Variants in ZNF385C observed in about 807,000 individuals in gnomAD.
ZNF385C encodes the protein zinc finger protein 385C.
A neutral mutation model predicts 35.4 loss-of-function variants in ZNF385C; 28 were observed. The ratio of observed to expected loss-of-function variants is 0.79; its 90% confidence interval spans 0.59 to 1.08. ZNF385C has a LOEUF of 1.08. ZNF385C is among the 50% of genes least tolerant of loss of function. The probability of loss-of-function intolerance (pLI) is 0.00; values close to 1 mark genes in which losing one functional copy is unlikely to be tolerated. For synonymous variants in ZNF385C, 248 were observed against 248.2 expected (o/e 1.00, Z 0.01); for missense variants, 605 against 595.6 (o/e 1.02, Z -0.16).
At chr17:42,030,640 T>C (rs1359021650) in intron 5 of ZNF385C, among the ~76,000 whole-genome samples, 1 of 152,164 alleles carries the variant, frequency 6.6e-6, no homozygotes, top group Non-Finnish European at 1.5e-5. Context: ...TGTAGTTAGT[T>C]GAATAGTGTC....
intron 1 of ZNF385C, among the ~76,000 whole-genome samples, chr17:42,084,731 C>T (rs1555659998): frequency 6.6e-6 from 1 of 152,100 alleles, no homozygotes; most frequent in African/African-American, 2.4e-5. Context: ...CTGCCTCAAC[C>T]TCCCAAGTAG....
At chr17:42,049,292 T>C (rs1194644317) in intron 2 of ZNF385C, among the ~76,000 whole-genome samples, 1 of 152,230 alleles carries the variant, frequency 6.6e-6, no homozygotes, top group Non-Finnish European at 1.5e-5. Context: ...CTGTTTGTTC[T>C]CTCCATTCCA....
intron 2 of ZNF385C, chr17:42,040,617 CACCAG>C (rs2052994968): frequency 3.2e-6 from 4 of 1,232,232 alleles, no homozygotes; most frequent in Non-Finnish European, 4.0e-6. Context: ...CCAGGGTGGG[CACCAG>C]GCCAGGCCAG....
intron 2 of ZNF385C, chr17:42,038,113 A>G: frequency 1.3e-6 from 2 of 1,521,764 alleles, no homozygotes; most frequent in Non-Finnish European, 1.8e-6. Context: ...CTCCCAGCCC[A>G]GAGGGATGAC....
At chr17:42,047,143 T>A (rs2053180765) in intron 2 of ZNF385C, among the ~76,000 whole-genome samples, 1 of 151,552 alleles carries the variant, frequency 6.6e-6, no homozygotes, top group Admixed American at 6.6e-5. Context: ...GCCATTCTCC[T>A]GCCTCAGCCT....
At chr17:42,086,398 A>T (rs773669824) in intron 1 of ZNF385C, among the ~76,000 whole-genome samples, 5 of 147,680 alleles carry the variant, frequency 3.4e-5, no homozygotes, top group Non-Finnish European at 7.5e-5. Flanking sequence ...ATAAATAAAT[A>T]AATTTTAAAA....
chr17:42,056,572 G>C (rs1355484649), intron 2 of ZNF385C, among the ~76,000 whole-genome samples: 1 of 152,074 alleles, frequency 6.6e-6, no homozygotes. Context: ...GACCAGCCTG[G>C]GCAACATAGC....
chr17:42,042,521 G>GAA (rs1312998654), intron 2 of ZNF385C, among the ~76,000 whole-genome samples: 1 of 137,550 alleles, frequency 7.3e-6, no homozygotes, highest in Non-Finnish European at 1.6e-5. Flanking sequence ...GATTCCTCAA[G>GAA]AAAAAAAAAA....
chr17:42,039,507 T>G, intron 2 of ZNF385C: 2 of 284,164 alleles, frequency 7.0e-6, no homozygotes, highest in Non-Finnish European at 1.3e-5. Context: ...CCCAGGCCCC[T>G]CTTGAGCCAG....
chr17:42,058,986 G>A (rs781839683), intron 2 of ZNF385C, among the ~76,000 whole-genome samples: 4 of 152,170 alleles, frequency 2.6e-5, no homozygotes, highest in Non-Finnish European at 4.4e-5. Flanking sequence ...GCTGGGGGCC[G>A]CCCTCCACCC....
At chr17:42,071,720 C>G (rs894213490) in intron 1 of ZNF385C, among the ~76,000 whole-genome samples, 111 of 152,286 alleles carry the variant, frequency 7.3e-4, no homozygotes, top group Admixed American at 6.5e-4. Flanking sequence ...CGGCCCCATG[C>G]CCCCTCCTAG....
chr17:42,062,713 G>A (rs990544926), intron 2 of ZNF385C, 94 bp downstream of exon 2: 71 of 445,798 alleles, frequency 1.6e-4, no homozygotes, highest in Non-Finnish European at 1.2e-5. Flanking sequence ...GACCCCCATG[G>A]AGGGAGGCCA....
At chr17:42,046,925 C>T (rs563616943) in intron 2 of ZNF385C, among the ~76,000 whole-genome samples, 4 of 149,994 alleles carry the variant, frequency 2.7e-5, no homozygotes, top group Admixed American at 2.0e-4. Context: ...TGCAGTGGTG[C>T]GATCTCAGCT....
rs111381420 is a variant in ZNF385C, at chr17:42,057,501, CGCGCGCGCGCGCGTGT to C, written c.250+5290_250+5305del. ...ACTTAAAGTTATTTAGGGGTGTGCG[CGCGCGCGCGCGCGTGT>C]GTGTGTGTGTGTGTGTGTGTGTGAT... On this transcript the variant is annotated intron_variant, in intron 2 of 8. Transcript: ENST00000692273. Among the ~76,000 whole-genome samples, 687 of 143,786 alleles carry C rather than the reference CGCGCGCGCGCGCGTGT, an allele frequency of 4.8e-3. 5 individuals carry two copies. The highest frequency in any genetic ancestry group is 0.018 in the African/African-American group (659 of 35,874). 94.3% of individuals were successfully genotyped at this position (143,786 alleles called of 152,430 possible).
chr17:42,035,670 G>T (rs1399868816), intron 3 of ZNF385C, among the ~76,000 whole-genome samples: 1 of 149,476 alleles, frequency 6.7e-6, no homozygotes, highest in East Asian at 2.0e-4. Context: ...TGCTGCCTCA[G>T]CCTCCCGAGT....
chr17:42,064,957 C>G (rs1456362167), intron 1 of ZNF385C: 2 of 152,194 alleles, frequency 1.3e-5, no homozygotes, highest in African/African-American at 4.8e-5. Context: ...AAGCAATTCT[C>G]CTGCCTCAGC....
At chr17:42,082,501 C>T (rs2053759708) in intron 1 of ZNF385C, among the ~76,000 whole-genome samples, 1 of 152,248 alleles carries the variant, frequency 6.6e-6, no homozygotes, top group African/African-American at 2.4e-5. Flanking sequence ...CCCAGGATTC[C>T]TCTTGTGGCA....
intron 1 of ZNF385C, among the ~76,000 whole-genome samples, chr17:42,084,243 T>C (rs1156528092): frequency 6.6e-6 from 1 of 151,574 alleles, no homozygotes; most frequent in Non-Finnish European, 1.5e-5. Context: ...TGAGGGCAGA[T>C]TGCTTGAGCC....
chr17:42,057,746 C>T (rs1567991462), intron 2 of ZNF385C, among the ~76,000 whole-genome samples: 1 of 152,032 alleles, frequency 6.6e-6, no homozygotes, highest in Non-Finnish European at 1.5e-5. Flanking sequence ...GAGTTTGAGA[C>T]CAGCCTGGCC....
Sources: gnomAD v4.1 joint callset for allele counts (sites outside exome capture counted in the v4.1 genomes callset) on GRCh38, gnomAD v4.1.1 for gene constraint, MANE v1.5 for transcripts, NCBI Gene and HGNC (gene_info 2026-07-23, HGNC 2026-07-21) for gene names.